PLD1: variants seen among roughly 807,000 people sequenced by gnomAD.
PLD1 encodes the protein phospholipase D1.
Under a neutral mutation model 137.1 loss-of-function variants are expected in PLD1, and 112 were observed. The ratio of observed to expected loss-of-function variants is 0.82; its 90% CI spans 0.70 to 0.96. PLD1 has a LOEUF of 0.96. PLD1 is among the 40% of genes least tolerant of loss of function. The probability of loss-of-function intolerance (pLI) is 0.00; values close to 1 mark genes in which losing one functional copy is unlikely to be tolerated. For missense variants in PLD1, 1,321 were observed against 1,342.0 expected (o/e 0.98, Z 0.24); for synonymous variants, 431 against 454.7 (o/e 0.95, Z 0.66).
intron 21 of PLD1, among the ~76,000 whole-genome samples, chr3:171,645,483 C>T (rs1353260857): frequency 6.6e-6 from 1 of 152,002 alleles, no homozygotes; most frequent in East Asian, 1.9e-4. Context: ...ATCGCAGGGG[C>T]AAAAAGACAC....
rs1731885432 is a variant in PLD1, at chr3:171,602,325, T to C, written c.*753A>G. ...ATGCATGTTTTTACATTTGATCAGG[T>C]GGGCCTAATCACAAGGACTCATGTT... On this transcript the variant is annotated 3_prime_UTR_variant, in exon 27 of 27. Transcript: ENST00000351298. The C allele has an allele frequency of 6.6e-6, 1 of 152,244 alleles. No individual in the cohort carries two copies. Among genetic ancestry groups the C allele is most frequent in the Non-Finnish European group, 1.5e-5 (1 of 68,060 alleles). 9.4% of individuals were successfully genotyped at this position (152,244 alleles called of 1,614,324 possible). A position where few individuals can be genotyped will look rare whatever the true frequency, so the allele number is the denominator to read the frequency against.
intron 1 of PLD1, among the ~76,000 whole-genome samples, chr3:171,802,630 A>G (rs1158744290): frequency 6.6e-6 from 1 of 152,178 alleles, no homozygotes; most frequent in Non-Finnish European, 1.5e-5. Context: ...AAACAAGTTG[A>G]TCAAGGTTAC....
At chr3:171,793,041 G>A in intron 1 of PLD1, 1 of 226,410 alleles carries the variant, frequency 4.4e-6, no homozygotes, top group Non-Finnish European at 8.8e-6. Flanking sequence ...ACACAAACCA[G>A]TGAAATTTGC....
chr3:171,719,052 A>G (rs1245381852), intron 8 of PLD1, among the ~76,000 whole-genome samples: 1 of 152,068 alleles, frequency 6.6e-6, no homozygotes, highest in African/African-American at 2.4e-5. Context: ...GTCTCTCACA[A>G]TGTTAGTCAA....
At chr3:171,779,250 T>C (rs187196860) in intron 1 of PLD1, among the ~76,000 whole-genome samples, 11 of 152,122 alleles carry the variant, frequency 7.2e-5, no homozygotes, top group African/African-American at 2.7e-4. Context: ...GCAGACTACT[T>C]AGGAGAATAT....
intron 11 of PLD1, among the ~76,000 whole-genome samples, chr3:171,700,633 C>A (rs1005065276): frequency 9.2e-5 from 14 of 152,068 alleles, no homozygotes; most frequent in Non-Finnish European, 1.6e-4. Context: ...ATTCTGTTAC[C>A]CCAAACTAAA....
At chr3:171,716,770 G>T (rs1578344193) in intron 8 of PLD1, among the ~76,000 whole-genome samples, 1 of 152,066 alleles carries the variant, frequency 6.6e-6, no homozygotes, top group Non-Finnish European at 1.5e-5. Flanking sequence ...GCCAATTTTT[G>T]ATTTTGTTGC....
At position 171,674,501 on chromosome 3, in the gene PLD1, T is replaced by A. The variant is rs756515838; in HGVS notation, c.2228A>T (p.Gln743Leu). 6 of 1,520,322 alleles carry A rather than the reference T, an allele frequency of 3.9e-6. No individual in the cohort carries two copies. The highest frequency in any genetic ancestry group is 3.4e-4 in the Middle Eastern group (2 of 5,822). The allele number at this position is 1,520,322 out of a possible 1,614,324, so 94.2% of individuals were successfully genotyped here. ...AAAGAAAAGCCAGAACTTACTTACC[T>A]GTACGTTAGCATGGACAGACCCAGG... ...QVPGSVHANV[Q>L]LLRSAADWSA... Residue 743 changes from glutamine (Q) to leucine (L), a missense_variant and splice_region_variant, in exon 19 of 27, where the codon CAG (glutamine) becomes CTG (leucine). By Grantham distance (113) the Gln-to-Leu change is moderately radical (BLOSUM62 -2). Transcript: ENST00000351298.
At chr3:171,803,364 G>C (rs530169303) in intron 1 of PLD1, among the ~76,000 whole-genome samples, 89 of 152,328 alleles carry the variant, frequency 5.8e-4, no homozygotes, top group African/African-American at 2.0e-3. Flanking sequence ...AAGAAAGATG[G>C]GGTGGAGAAG....
chr3:171,620,740 CTCTATATATA>C (rs1553800491), intron 23 of PLD1, among the ~76,000 whole-genome samples: 85 of 80,500 alleles, frequency 1.1e-3, no homozygotes, highest in African/African-American at 4.0e-3. Context: ...CTCTCTCTCT[CTCTATATATA>C]TATATATATA....
At chr3:171,608,534 A>C (rs1490800418) in intron 25 of PLD1, among the ~76,000 whole-genome samples, 1 of 152,224 alleles carries the variant, frequency 6.6e-6, no homozygotes, top group Non-Finnish European at 1.5e-5. Flanking sequence ...ATGCACAGCC[A>C]CAATAATTAC....
At chr3:171,743,153 G>A (rs6804870) in intron 1 of PLD1, among the ~76,000 whole-genome samples, 4,160 of 152,286 alleles carry the variant, frequency 0.027, 114 homozygotes, top group African/African-American at 0.071. Context: ...CCCTTGGGAA[G>A]CTGTGAGGAG....
chr3:171,710,869 G>GTTTTTTTTTTTTTTTTTT (rs1281179100), intron 9 of PLD1, among the ~76,000 whole-genome samples: 5 of 98,676 alleles, frequency 5.1e-5, no homozygotes, highest in African/African-American at 1.6e-4. Flanking sequence ...TAGGAAAACT[G>GTTTTTTTTTTTTTTTTTT]TTCTTTTTTT....
chr3:171,621,739 G>T (rs1733650692), intron 23 of PLD1, among the ~76,000 whole-genome samples: 1 of 152,090 alleles, frequency 6.6e-6, no homozygotes, highest in South Asian at 2.1e-4. Flanking sequence ...TGTAAATGAG[G>T]TTTTTGCAAT....
At chr3:171,628,146 T>C (rs1210463434) in intron 23 of PLD1, among the ~76,000 whole-genome samples, 2 of 151,712 alleles carry the variant, frequency 1.3e-5, no homozygotes, top group African/African-American at 2.4e-5. Flanking sequence ...AGAGAAGAAT[T>C]AAATAGACGC....
chr3:171,739,269 C>T (rs116598641), intron 1 of PLD1, among the ~76,000 whole-genome samples: 1,731 of 152,276 alleles, frequency 0.011, 33 homozygotes, highest in African/African-American at 0.04. Flanking sequence ...CTAAGAAAGT[C>T]TCAGGCAAAC....
intron 25 of PLD1, among the ~76,000 whole-genome samples, chr3:171,610,466 T>C (rs1732562000): frequency 2.0e-5 from 3 of 152,228 alleles, no homozygotes; most frequent in Non-Finnish European, 1.5e-5. Context: ...AAGGTGATGG[T>C]ATTACAGATG....
Position 171,688,981 on chromosome 3 carries a change from A to G in PLD1, c.1339-105T>C. The G allele has an allele frequency of 3.9e-6, 3 of 776,078 alleles. 1 individual carries two copies. The South Asian group carries it at 4.6e-5, about 12-fold the overall frequency. The allele number at this position is 776,078 out of a possible 1,614,324, so 48.1% of individuals were successfully genotyped here. On this transcript the variant is annotated intron_variant, in intron 13 of 26. Coordinates refer to ENST00000351298, the MANE Select transcript of PLD1 (RefSeq NM_002662.5). ...CTGAAAAGCATTTTCTATAATTCAAATACCAAACTGTACAACGTATACACC... is the reference window on the plus strand; with the variant it reads ...CTGAAAAGCATTTTCTATAATTCAAGTACCAAACTGTACAACGTATACACC...
In PLD1 at chr3:171,709,578, T is replaced by C. The variant is rs1375847662; in HGVS notation, c.1043A>G (p.Glu348Gly). 12 of 1,613,920 alleles carry C rather than the reference T, an allele frequency of 7.4e-6. No individual in the cohort carries two copies. The highest frequency in any genetic ancestry group is 9.3e-6 in the Non-Finnish European group (11 of 1,179,922). ...HRFGSYAAIQENALAKWYVNA... is the reference protein window; with the variant it reads ...HRFGSYAAIQGNALAKWYVNA... ...AACTTACCATTTAGCTAAAGCATTC[T>C]CTTGGATAGCAGCATATGACCCAAA... Residue 348 changes from glutamate (E) to glycine (G), a missense_variant, in exon 10 of 27, where the codon GAG becomes GGG. Transcript: ENST00000351298.
Sources: gnomAD v4.1 joint callset for allele counts (sites outside exome capture counted in the v4.1 genomes callset) on GRCh38, gnomAD v4.1.1 for gene constraint, MANE v1.5 for transcripts, NCBI Gene and HGNC (gene_info 2026-07-23, HGNC 2026-07-21) for gene names.